RPN2: variants seen among roughly 807,000 people sequenced by gnomAD.
The protein encoded by RPN2 is ribophorin II, also known as dolichyl-diphosphooligosaccharide--protein glycosyltransferase subunit 2.
Under a neutral mutation model 71.4 loss-of-function variants are expected in RPN2, and 29 were observed. That is an observed-to-expected ratio of 0.41 (90% CI 0.30 to 0.55). RPN2 has a LOEUF of 0.55. Among genes scored for constraint, RPN2 ranks in the 20% least tolerant of loss-of-function variants. The probability of loss-of-function intolerance (pLI) is 0.35; values close to 1 mark genes in which losing one functional copy is unlikely to be tolerated. For synonymous variants in RPN2, 308 were observed against 305.0 expected, an observed-to-expected ratio of 1.01 and a Z score of -0.10; for missense variants, 726 against 774.1, an observed-to-expected ratio of 0.94 and a Z score of 0.74.
chr20:37,184,124 T>A, intron 1 of RPN2, 56 bp from the exon 2 acceptor site: 1 of 1,597,528 alleles, frequency 6.3e-7, no homozygotes, highest in Non-Finnish European at 8.6e-7. Flanking sequence ...TCATTGGGAC[T>A]GTGTATAGCA....
chr20:37,223,489 A>G (rs1179351316), intron 9 of RPN2, among the ~76,000 whole-genome samples: 2 of 152,358 alleles, frequency 1.3e-5, no homozygotes, highest in East Asian at 1.9e-4. Context: ...TGCCTTTCAC[A>G]TGGTAAGCAC....
At position 37,204,838 on chromosome 20, in the gene RPN2, G is replaced by A. The variant is rs1233151885; in HGVS notation, c.627G>A (p.Ala209=). The change falls in exon 6 of 17, where the codon GCG becomes GCA. Residue 209 remains alanine (A), a synonymous_variant. Transcript: ENST00000237530. ...TTGAAGAAGGACTGGAAACAACAGCGTTATTTGTGGCTGCCACCTACAAGC... is the reference window on the plus strand; with the variant it reads ...TTGAAGAAGGACTGGAAACAACAGCATTATTTGTGGCTGCCACCTACAAGC... ...LQFEEGLETT[A]LFVAATYKLM... is the part of the protein sequence containing the mutation. 8 of 1,614,002 alleles carry A rather than the reference G, an allele frequency of 5.0e-6. No homozygotes were observed. The highest frequency in any genetic ancestry group is 2.7e-5 in the African/African-American group (2 of 74,882).
At chr20:37,199,349 C>A in intron 4 of RPN2, 124 bp downstream of exon 4, 1 of 1,249,472 alleles carries the variant, frequency 8.0e-7, no homozygotes, top group South Asian at 1.3e-5. Flanking sequence ...TTCCGTGTGC[C>A]AGGTGCTCTG....
At chr20:37,230,105 C>CA (rs773791744) in intron 13 of RPN2, 46 bp downstream of exon 13, 59 of 1,400,914 alleles carry the variant, frequency 4.2e-5, no homozygotes, top group Non-Finnish European at 6.0e-5. Flanking sequence ...GAAGAGAGGG[C>CA]AACAAAGCCC....
intron 15 of RPN2, 56 bp downstream of exon 15, chr20:37,234,151 A>G (rs2068321752): frequency 1.3e-6 from 2 of 1,564,530 alleles, no homozygotes; most frequent in Non-Finnish European, 1.8e-6. Flanking sequence ...TAGCCTGCCC[A>G]CGCAAAAGCC....
intron 1 of RPN2, among the ~76,000 whole-genome samples, chr20:37,182,417 GTC>G (rs1255719704): frequency 6.6e-6 from 1 of 152,020 alleles, no homozygotes; most frequent in Non-Finnish European, 1.5e-5. Context: ...TTGAGACAGG[GTC>G]TCTCTTTCTC....
chr20:37,198,999 C>A, intron 3 of RPN2, 51 bp from the exon 4 acceptor site: 1 of 1,492,280 alleles, frequency 6.7e-7, no homozygotes, highest in Non-Finnish European at 9.3e-7. Flanking sequence ...ATGCCTGCCA[C>A]AAATTGCCAA....
chr20:37,205,035 T>A, intron 6 of RPN2, 134 bp downstream of exon 6: 1 of 1,300,366 alleles, frequency 7.7e-7, no homozygotes, highest in Non-Finnish European at 1.1e-6. Flanking sequence ...GGGTTAGGGA[T>A]TAAGAATGAG....
At position 37,195,521 on chromosome 20, in the gene RPN2, A is replaced by G. The variant is rs144286764; in HGVS notation, c.208-2876A>G. On this transcript the variant is annotated intron_variant, in intron 2 of 16. Transcript: ENST00000237530. ...TTGGACAAGTTACTTTGCCTTTATA[A>G]TGCCTCAGTTTTCTTACCTGTAAAC... Among the ~76,000 whole-genome samples, 941 of 152,306 alleles carry G rather than the reference A, an allele frequency of 6.2e-3. 14 individuals carry two copies. The highest frequency in any genetic ancestry group is 5.7e-3 in the Non-Finnish European group (388 of 68,022).
intron 9 of RPN2, among the ~76,000 whole-genome samples, chr20:37,223,555 A>G (rs1038083019): frequency 2.0e-5 from 3 of 152,182 alleles, no homozygotes; most frequent in Non-Finnish European, 4.4e-5. Flanking sequence ...AATGAAAGGT[A>G]CTGCTTAAGG....
intron 9 of RPN2, among the ~76,000 whole-genome samples, chr20:37,215,206 T>C (rs2067778592): frequency 6.6e-6 from 1 of 152,234 alleles, no homozygotes; most frequent in Non-Finnish European, 1.5e-5. Flanking sequence ...AATTGGCTCC[T>C]GTGACACTTG....
intron 16 of RPN2, among the ~76,000 whole-genome samples, chr20:37,239,947 T>C (rs1172736850): frequency 1.3e-5 from 2 of 152,216 alleles, no homozygotes; most frequent in African/African-American, 4.8e-5. Context: ...TTTATAGAGA[T>C]GGGGTCTCAT....
chr20:37,233,362 TTC>T (rs1021834289), intron 14 of RPN2, among the ~76,000 whole-genome samples: 2 of 152,224 alleles, frequency 1.3e-5, no homozygotes, highest in Non-Finnish European at 2.9e-5. Context: ...AATTGTGTTT[TTC>T]TCTTTTTTCA....
At position 37,199,275 on chromosome 20, in the gene RPN2, A is replaced by T. The variant is rs1310220642; in HGVS notation, c.479+50A>T. 4 of 1,603,700 alleles carry T rather than the reference A, an allele frequency of 2.5e-6. No individual in the cohort carries two copies. In the East Asian group the frequency reaches 6.7e-5, roughly 27 times the overall value. ...TCAGGCTTCATTTGTCTCGGGTCCT[A>T]TCCGAAGAGGGCTCATTCATTGGTT... On this transcript the variant is annotated intron_variant, in intron 4 of 16. Transcript: ENST00000237530.
chr20:37,203,397 C>T (rs965077015), intron 4 of RPN2, among the ~76,000 whole-genome samples: 4 of 139,482 alleles, frequency 2.9e-5, no homozygotes, highest in Non-Finnish European at 6.0e-5. Flanking sequence ...GAGACAGGGT[C>T]TCACTCTATT....
Position 37,203,837 on chromosome 20 carries a change from A to G in RPN2, c.480-48A>G, listed in dbSNP as rs1437286040. On this transcript the variant is annotated intron_variant, in intron 4 of 16. Transcript: ENST00000237530. ...TCCAAGTACGGGAAGGGGTGAGTGG[A>G]TGAAACAAGACTTGCCATTCATTGG... The G allele has an allele frequency of 6.0e-6, 8 of 1,337,242 alleles. No homozygotes were observed. The Admixed American group carries it at 1.3e-4, about 22-fold the overall frequency. 82.8% of individuals were successfully genotyped at this position (1,337,242 alleles called of 1,614,324 possible).
chr20:37,207,185 C>T, intron 6 of RPN2, 88 bp from the exon 7 acceptor site: 3 of 1,066,470 alleles, frequency 2.8e-6, no homozygotes, highest in Non-Finnish European at 4.4e-6. Flanking sequence ...ACACCCGAAA[C>T]AGATAAGGGT....
chr20:37,217,481 CG>C (rs779963446), intron 9 of RPN2, among the ~76,000 whole-genome samples: 6 of 151,302 alleles, frequency 4.0e-5, no homozygotes, highest in Non-Finnish European at 8.8e-5. Flanking sequence ...TTAGTAGAGA[CG>C]GGGTTTCACT....
chr20:37,240,682 G>T (rs2146729117), intron 16 of RPN2, among the ~76,000 whole-genome samples: 1 of 152,322 alleles, frequency 6.6e-6, no homozygotes, highest in Admixed American at 6.5e-5. Context: ...CTAGGGAAAG[G>T]CAGCGGAGGG....
Sources: gnomAD v4.1 joint callset for allele counts (sites outside exome capture counted in the v4.1 genomes callset) on GRCh38, gnomAD v4.1.1 for gene constraint, MANE v1.5 for transcripts, NCBI Gene and HGNC (gene_info 2026-07-23, HGNC 2026-07-21) for gene names.